Variants in SLC25A36 observed in about 807,000 individuals in gnomAD.
SLC25A36 encodes solute carrier family 25 member 36.
In SLC25A36, 24 loss-of-function variants were observed where a neutral mutation model predicts 35.3. The observed-to-expected ratio is 0.68, with a 90% confidence interval of 0.49 to 0.96. The LOEUF is 0.96. Ranked by LOEUF, SLC25A36 falls within the 40% of genes least tolerant of loss-of-function variation. The probability of loss-of-function intolerance (pLI) is 0.00; values close to 1 mark genes in which losing one functional copy is unlikely to be tolerated. For synonymous variants in SLC25A36, 141 were observed against 132.2 expected (o/e 1.07, Z -0.46); for missense variants, 294 against 381.1 (o/e 0.77, Z 1.90).
chr3:140,976,635 T>TTA lies in SLC25A36; in HGVS notation c.*182_*183insTA. On this transcript the variant is annotated 3_prime_UTR_variant, in exon 7 of 7. Coordinates refer to ENST00000324194, the MANE Select transcript of SLC25A36 (RefSeq NM_001104647.3). Reference sequence around the variant, plus strand: ...CACATTACTTGGCCTTTCGGTAATGTGAAAAAAAAAAAAAACCTCAGAGCC... The same window carrying TTA: ...CACATTACTTGGCCTTTCGGTAATGTTAGAAAAAAAAAAAAAACCTCAGAGCC... The TTA allele has an allele frequency of 4.5e-4, 92 of 206,150 alleles. No homozygotes were observed. The highest frequency in any genetic ancestry group is 7.4e-4 in the Admixed American group (5 of 6,716). The allele number at this position is 206,150 out of a possible 1,614,324, so 12.8% of individuals were successfully genotyped here.
At chr3:140,967,508 TGTTTTA>T (rs1934792524) in intron 4 of SLC25A36, among the ~76,000 whole-genome samples, 1 of 151,982 alleles carries the variant, frequency 6.6e-6, no homozygotes. Context: ...GGATCTTAGC[TGTTTTA>T]GTTTTAATTA....
Position 140,973,723 on chromosome 3 carries a change from G to A in SLC25A36, c.460G>A (p.Gly154Arg), listed in dbSNP as rs778907482. The change falls in exon 6 of 7, where the codon GGG (glycine) becomes AGG (arginine). Residue 154 changes from glycine (G) to arginine (R), a missense_variant. By Grantham distance (125) the Gly-to-Arg change is moderately radical (BLOSUM62 -2). Transcript: ENST00000324194. ...TRLQLDARNRGERRMGAFECV... is the reference protein window; with the variant it reads ...TRLQLDARNRRERRMGAFECV... ...TTTCTTTTTGCTTTTCAGGAACCGCGGGGAAAGGCGAATGGGTGCTTTTGA... is the reference window on the plus strand; with the variant it reads ...TTTCTTTTTGCTTTTCAGGAACCGCAGGGAAAGGCGAATGGGTGCTTTTGA... The A allele has an allele frequency of 2.7e-6, 4 of 1,463,516 alleles. No individual in the cohort carries two copies. Among genetic ancestry groups the A allele is most frequent in the East Asian group, 2.4e-5 (1 of 42,014 alleles). The allele number at this position is 1,463,516 out of a possible 1,614,324, so 90.7% of individuals were successfully genotyped here.
chr3:140,955,283 T>C (rs1221153340), intron 1 of SLC25A36, among the ~76,000 whole-genome samples: 1 of 152,080 alleles, frequency 6.6e-6, no homozygotes, highest in African/African-American at 2.4e-5. Context: ...GGAGGTAGAA[T>C]TGTTTAGTGT....
rs1027083505 is a variant in SLC25A36 at position 140,942,033 on chromosome 3, C to A, written c.-22C>A. The A allele has an allele frequency of 6.3e-6, 9 of 1,419,964 alleles. No individual in the cohort carries two copies. The African/African-American group carries it at 1.3e-4, about 21-fold the overall frequency. 88.0% of individuals were successfully genotyped at this position (1,419,964 alleles called of 1,614,324 possible). On this transcript the variant is annotated 5_prime_UTR_variant, in exon 1 of 7. Transcript: ENST00000324194. ...CAGATCCGCGTCCCGCCTCAGCGGC[C>A]GGAGGACATGCGGGAGAGAGAATGA...
intron 6 of SLC25A36, among the ~76,000 whole-genome samples, chr3:140,975,303 T>C (rs992563443): frequency 6.6e-6 from 1 of 151,806 alleles, no homozygotes; most frequent in African/African-American, 2.4e-5. Flanking sequence ...AGACATAGTC[T>C]TGCTGGGTTC....
At chr3:140,954,350 C>T (rs938384239) in intron 1 of SLC25A36, among the ~76,000 whole-genome samples, 1 of 152,164 alleles carries the variant, frequency 6.6e-6, no homozygotes, top group African/African-American at 2.4e-5. Flanking sequence ...CTATTATAAA[C>T]ATTCATGAAC....
At chr3:140,963,344 AT>A in intron 4 of SLC25A36, 117 bp downstream of exon 4, 1 of 681,126 alleles carries the variant, frequency 1.5e-6, no homozygotes, top group Non-Finnish European at 2.4e-6. Context: ...TGATTAGATG[AT>A]TTTTACGTTT....
At position 140,976,196 on chromosome 3, in the gene SLC25A36, T is replaced by G. The variant is rs1935039177; in HGVS notation, c.743-64T>G. On this transcript the variant is annotated intron_variant, in intron 6 of 6. Coordinates refer to ENST00000324194, the MANE Select transcript of SLC25A36 (RefSeq NM_001104647.3). ...TTACAGACTGATAAATGGGATGTGCTCAGTTATAATTAGAAGAGTGTAAAG... is the reference window on the plus strand; with the variant it reads ...TTACAGACTGATAAATGGGATGTGCGCAGTTATAATTAGAAGAGTGTAAAG... 6.4e-6 allele frequency: 7 copies of G among 1,086,674 alleles called. No individual in the cohort carries two copies. In the East Asian group the frequency reaches 7.3e-5, roughly 11 times the overall value. 67.3% of individuals were successfully genotyped at this position (1,086,674 alleles called of 1,614,324 possible). A position where few individuals can be genotyped will look rare whatever the true frequency, so the allele number is the denominator to read the frequency against.
rs757985146 is a variant in SLC25A36, at chr3:140,942,071, C to A, written c.17C>A (p.Thr6Lys). MSQRDTLVHLFAGGCG... is the reference protein window; with the variant it reads MSQRDKLVHLFAGGCG... Reference sequence around the variant, plus strand: ...GGAGAGAGAATGAGCCAGAGGGACACGCTGGTGCATCTGTTTGCCGGAGGG... The same window carrying A: ...GGAGAGAGAATGAGCCAGAGGGACAAGCTGGTGCATCTGTTTGCCGGAGGG... The change falls in exon 1 of 7, where the codon ACG becomes AAG. Residue 6 changes from threonine to lysine, a missense_variant. Coordinates refer to ENST00000324194, the MANE Select transcript of SLC25A36 (RefSeq NM_001104647.3). The A allele has an allele frequency of 2.0e-6, 3 of 1,492,274 alleles. No individual in the cohort carries two copies. Among genetic ancestry groups the A allele is most frequent in the Non-Finnish European group, 2.7e-6 (3 of 1,109,728 alleles). The allele number at this position is 1,492,274 out of a possible 1,614,324, so 92.4% of individuals were successfully genotyped here.
rs10662120 is a variant in SLC25A36, at chr3:140,975,097, C to CTTTTTTTTTTTTTTT, written c.742+1108_742+1122dup. On this transcript the variant is annotated intron_variant, in intron 6 of 6. Coordinates refer to ENST00000324194, the MANE Select transcript of SLC25A36 (RefSeq NM_001104647.3). ...GTACAGTTGATAAACAAGATACATT[C>CTTTTTTTTTTTTTTT]TTTTTTTTTTTTTTTTTTTTTTTTT... 1.9e-3 allele frequency among the ~76,000 whole-genome samples: 104 copies of CTTTTTTTTTTTTTTT among 55,210 alleles called. 35 individuals carry two copies. Among genetic ancestry groups the CTTTTTTTTTTTTTTT allele is most frequent in the East Asian group, 3.8e-3 (8 of 2,100 alleles). 36.2% of individuals were successfully genotyped at this position (55,210 alleles called of 152,430 possible).
At position 140,980,315 on chromosome 3, in the gene SLC25A36, C is replaced by T. The variant is rs1935152903; in HGVS notation, c.*3862C>T. On this transcript the variant is annotated 3_prime_UTR_variant, in exon 7 of 7. Transcript: ENST00000324194. ...ATCCACATAATGTTAGATCAAAATA[C>T]AAATGACAAAGATAAAATGCTATGT... 6.6e-6 allele frequency among the ~76,000 whole-genome samples: 1 copy of T among 152,298 alleles called. No individual in the cohort carries two copies. Among genetic ancestry groups the T allele is most frequent in the Non-Finnish European group, 1.5e-5 (1 of 68,014 alleles).
In SLC25A36 at chr3:140,976,793, T is replaced by C. The variant is rs1935060472; in HGVS notation, c.*340T>C. 5.8e-6 allele frequency: 1 copy of C among 173,182 alleles called. No homozygotes were observed. The highest frequency in any genetic ancestry group is 1.2e-5 in the Non-Finnish European group (1 of 81,912). 10.7% of individuals were successfully genotyped at this position (173,182 alleles called of 1,614,324 possible). ...AAGCCATCCTTAATTTTACATACTG[T>C]ATTGTAACTATCCAAAGATAGTATT... On this transcript the variant is annotated 3_prime_UTR_variant, in exon 7 of 7. Transcript: ENST00000324194.
At position 140,945,389 on chromosome 3, in the gene SLC25A36, G is replaced by A. The variant is rs535418854; in HGVS notation, c.41+3294G>A. Reference sequence around the variant, plus strand: ...TTTTTTCCTTCTAAAAATGCATTCCGTTCTTCTTACTAATAGACTGCAAAA... The same window carrying A: ...TTTTTTCCTTCTAAAAATGCATTCCATTCTTCTTACTAATAGACTGCAAAA... On this transcript the variant is annotated intron_variant, in intron 1 of 6. Coordinates refer to ENST00000324194, the MANE Select transcript of SLC25A36 (RefSeq NM_001104647.3). Among the ~76,000 whole-genome samples the A allele has an allele frequency of 2.3e-4, 35 of 152,060 alleles. 1 individual carries two copies. Among genetic ancestry groups the A allele is most frequent in the Middle Eastern group, 3.4e-3 (1 of 294 alleles).
rs574302108 is a variant in SLC25A36, at chr3:140,976,202, A to G, written c.743-58A>G. 2.7e-5 allele frequency: 31 copies of G among 1,159,152 alleles called. No homozygotes were observed. In the African/African-American group the frequency reaches 3.9e-4, roughly 14 times the overall value. The allele number at this position is 1,159,152 out of a possible 1,614,324, so 71.8% of individuals were successfully genotyped here. A position where few individuals can be genotyped will look rare whatever the true frequency, so the allele number is the denominator to read the frequency against. ...ACTGATAAATGGGATGTGCTCAGTT[A>G]TAATTAGAAGAGTGTAAAGATATCA... On this transcript the variant is annotated intron_variant, in intron 6 of 6. Transcript: ENST00000324194.
intron 6 of SLC25A36, 52 bp downstream of exon 6, chr3:140,974,057 G>A (rs754735827): frequency 1.8e-5 from 22 of 1,236,446 alleles, no homozygotes; most frequent in Middle Eastern, 2.0e-4. Flanking sequence ...CCAGCCAACA[G>A]CTCACTTATT....
intron 2 of SLC25A36, 128 bp downstream of exon 2, chr3:140,956,819 A>G (rs913096622): frequency 7.3e-7 from 1 of 1,374,996 alleles, no homozygotes; most frequent in Non-Finnish European, 9.4e-7. Context: ...GTTACTCTGA[A>G]TTGTACTCAT....
chr3:140,946,237 G>A (rs904556018), intron 1 of SLC25A36, among the ~76,000 whole-genome samples: 1 of 152,124 alleles, frequency 6.6e-6, no homozygotes, highest in Non-Finnish European at 1.5e-5. Flanking sequence ...GTACTAAATC[G>A]AATGATGATG....
chr3:140,960,241 T>C (rs965970360), intron 3 of SLC25A36, among the ~76,000 whole-genome samples: 3 of 152,188 alleles, frequency 2.0e-5, no homozygotes, highest in Non-Finnish European at 4.4e-5. Context: ...AAAATACTCC[T>C]GATATTTTGA....
chr3:140,950,910 C>CTCTGTGTGTGTGTG (rs1491149961), intron 1 of SLC25A36, among the ~76,000 whole-genome samples: 5 of 110,546 alleles, frequency 4.5e-5, no homozygotes, highest in African/African-American at 2.1e-4. Flanking sequence ...CTGTGTGTGT[C>CTCTGTGTGTGTGTG]TGTGTGTCTG....
Sources: allele counts gnomAD v4.1 joint callset (sites outside exome capture counted in the v4.1 genomes callset), GRCh38; gene constraint gnomAD v4.1.1; transcripts MANE v1.5; gene names NCBI Gene and HGNC (gene_info 2026-07-23, HGNC 2026-07-21).